BCO2: variants seen among roughly 807,000 people sequenced by gnomAD.
The protein encoded by BCO2 is carotenoid-cleaving dioxygenase, mitochondrial.
In BCO2, 56 loss-of-function variants were observed where a neutral mutation model predicts 65.8. The ratio of observed to expected loss-of-function variants is 0.85; its 90% CI spans 0.69 to 1.06. The LOEUF (loss-of-function observed/expected upper bound fraction) is 1.06, where lower values mean the gene tolerates loss of function less well. BCO2 is among the 50% of genes least tolerant of loss of function. BCO2 has a pLI of 0.00. For synonymous variants in BCO2, 233 were observed against 242.3 expected (o/e 0.96, Z 0.36); for missense variants, 675 against 698.5 (o/e 0.97, Z 0.38).
chr11:112,189,515 C>T (rs547942797), intron 2 of BCO2, among the ~76,000 whole-genome samples: 2 of 151,806 alleles, frequency 1.3e-5, no homozygotes, highest in Non-Finnish European at 2.9e-5. Context: ...ATGCCATTCT[C>T]CTGTGTCAGC....
rs572967526 is a variant in BCO2 at position 112,203,207 on chromosome 11, TTC to T, written c.1194+1018_1194+1019del. Among the ~76,000 whole-genome samples, 20 of 152,332 alleles carry T rather than the reference TTC, an allele frequency of 1.3e-4. No homozygotes were observed. The South Asian group carries it at 4.1e-3, about 32-fold the overall frequency. On this transcript the variant is annotated intron_variant, in intron 8 of 11. Coordinates refer to ENST00000357685, the MANE Select transcript of BCO2 (RefSeq NM_031938.7). ...TGATGCTGAATCCAAGGTAAAGTTT[TTC>T]CTTGAATTATGTAATATACATTGTT...
intron 2 of BCO2, among the ~76,000 whole-genome samples, chr11:112,192,592 G>A (rs1479333629): frequency 6.6e-6 from 1 of 150,982 alleles, no homozygotes; most frequent in African/African-American, 2.4e-5. Context: ...CTGAAAAATT[G>A]TAAAGTAAAT....
rs186757460 is a variant in BCO2, at chr11:112,181,015, A to G, written c.293+1533A>G. ...CTCAGACAGATTCTAAGCCTCCTGA[A>G]GGATTGTTAGGATTCCACACAGAGT... On this transcript the variant is annotated intron_variant, in intron 2 of 11. Transcript: ENST00000357685. 2,401 of 1,436,378 alleles carry G rather than the reference A, an allele frequency of 1.7e-3. 32 individuals carry two copies. In the African/African-American group the frequency reaches 0.03, roughly 18 times the overall value. The allele number at this position is 1,436,378 out of a possible 1,614,324, so 89.0% of individuals were successfully genotyped here.
chr11:112,189,404 ATT>A (rs869063108), intron 2 of BCO2, among the ~76,000 whole-genome samples: 14 of 79,484 alleles, frequency 1.8e-4, no homozygotes, highest in South Asian at 1.2e-3. Context: ...AGAAAAGGAA[ATT>A]TTTTTTTTTT....
intron 10 of BCO2, 67 bp from the exon 11 acceptor site, chr11:112,216,153 C>A: frequency 1.9e-6 from 2 of 1,057,086 alleles, no homozygotes; most frequent in Non-Finnish European, 2.9e-6. Flanking sequence ...CTTGGAGTGA[C>A]AAAAGCCATA....
At chr11:112,195,632 G>A (rs192051896) in intron 5 of BCO2, among the ~76,000 whole-genome samples, 3 of 151,794 alleles carry the variant, frequency 2.0e-5, no homozygotes, top group East Asian at 1.9e-4. Flanking sequence ...TAGTAGAGAC[G>A]GGTTTTCAGC....
Position 112,179,383 on chromosome 11 carries a change from C to T in BCO2, c.194C>T (p.Pro65Leu). ...CTGCTGACCACAGTGGAAGAGGCTC[C>T]ACGGGGCATCTCTGCTCGAGTCTGG... is the stretch of plus-strand genomic sequence containing the variant. The part of the protein sequence containing the change: ...APLLTTVEEA[P>L]RGISARVWGH... The change falls in exon 2 of 12, where the codon CCA (proline) becomes CTA (leucine). Residue 65 changes from proline to leucine, a missense_variant. By Grantham distance (98) the Pro-to-Leu change is moderately conservative. Transcript: ENST00000357685. 1.2e-6 allele frequency: 2 copies of T among 1,614,164 alleles called. No individual in the cohort carries two copies. Among genetic ancestry groups the T allele is most frequent in the Non-Finnish European group, 1.7e-6 (2 of 1,180,032 alleles).
chr11:112,182,851 A>ATG (rs1867094767), intron 2 of BCO2: 4 of 886,522 alleles, frequency 4.5e-6, no homozygotes, highest in Non-Finnish European at 7.2e-6. Flanking sequence ...TTATATATAT[A>ATG]TAAAAAGATG....
chr11:112,206,126 G>A (rs1867861604), intron 8 of BCO2, among the ~76,000 whole-genome samples: 2 of 152,246 alleles, frequency 1.3e-5, no homozygotes, highest in South Asian at 4.1e-4. Flanking sequence ...ACGGGCGGCA[G>A]CTGGGCAGAG....
At chr11:112,217,234 T>A (rs1859705078) in intron 11 of BCO2, among the ~76,000 whole-genome samples, 1 of 152,264 alleles carries the variant, frequency 6.6e-6, no homozygotes, top group South Asian at 2.1e-4. Context: ...TTAGCCATGA[T>A]ATCCTTTCCA....
chr11:112,207,510 G>A (rs1859380056), intron 8 of BCO2, among the ~76,000 whole-genome samples: 1 of 152,170 alleles, frequency 6.6e-6, no homozygotes, highest in African/African-American at 2.4e-5. Flanking sequence ...TTTCTGGACT[G>A]TATATTCTGT....
intron 8 of BCO2, among the ~76,000 whole-genome samples, chr11:112,206,169 G>A (rs967859478): frequency 2.6e-5 from 4 of 151,096 alleles, no homozygotes; most frequent in Admixed American, 6.6e-5. Flanking sequence ...GGCGGGGGCC[G>A]GGCAGAGGCG....
chr11:112,181,472 C>T (rs552707691), intron 2 of BCO2: 9 of 684,378 alleles, frequency 1.3e-5, no homozygotes, highest in African/African-American at 3.5e-5. Context: ...TGAGCCACCG[C>T]GCCCGGCCGA....
chr11:112,196,094 T>C (rs1460204981), intron 5 of BCO2, among the ~76,000 whole-genome samples: 2 of 152,212 alleles, frequency 1.3e-5, no homozygotes, highest in Non-Finnish European at 2.9e-5. Flanking sequence ...CTGCTGGGTG[T>C]TTCCTGGGTG....
chr11:112,210,819 G>T (rs1367594261), intron 8 of BCO2, among the ~76,000 whole-genome samples: 1 of 151,462 alleles, frequency 6.6e-6, no homozygotes, highest in Non-Finnish European at 1.5e-5. Context: ...TTGGTGGATT[G>T]TATCAATGTA....
intron 9 of BCO2, 165 bp from the exon 10 acceptor site, chr11:112,214,597 T>A (rs1308463819): frequency 3.3e-6 from 2 of 599,978 alleles, no homozygotes; most frequent in East Asian, 2.8e-5. Context: ...TCATTATGCA[T>A]CCACACATAT....
chr11:112,188,941 A>G, intron 2 of BCO2, among the ~76,000 whole-genome samples: 1 of 152,184 alleles, frequency 6.6e-6, no homozygotes. Flanking sequence ...ACAAGGTGAA[A>G]TATATTAAGT....
intron 7 of BCO2, 95 bp downstream of exon 7, chr11:112,200,868 G>A (rs994335775): frequency 8.1e-6 from 11 of 1,357,018 alleles, no homozygotes; most frequent in Non-Finnish European, 1.1e-5. Context: ...CTGGTTAAAA[G>A]TGCATAAGAC....
At chr11:112,176,518 G>GGT (rs1555193530) in intron 1 of BCO2, 3 of 3,094 alleles carry the variant, frequency 9.7e-4, no homozygotes, top group African/African-American at 1.3e-3. Context: ...ATTGATTGGC[G>GGT]GGGGGGGGGG....
Sources: allele counts gnomAD v4.1 joint callset (sites outside exome capture counted in the v4.1 genomes callset), GRCh38; gene constraint gnomAD v4.1.1; transcripts MANE v1.5; gene names NCBI Gene and HGNC (gene_info 2026-07-23, HGNC 2026-07-21).